Variants in ACOT11 observed in about 807,000 individuals in gnomAD.
The protein encoded by ACOT11 is acyl-CoA thioesterase 11.
Under a neutral mutation model 77.5 loss-of-function variants are expected in ACOT11, and 69 were observed. The ratio of observed to expected loss-of-function variants is 0.89; its 90% CI spans 0.73 to 1.09. ACOT11 has a LOEUF of 1.09. ACOT11 is among the 50% of genes least tolerant of loss of function. ACOT11 has a pLI of 0.00. For missense variants in ACOT11, 766 were observed against 813.7 expected (o/e 0.94, Z 0.71); for synonymous variants, 279 against 313.0 (o/e 0.89, Z 1.15).
intron 1 of ACOT11, among the ~76,000 whole-genome samples, chr1:54,562,523 C>T (rs1413254624): frequency 9.0e-5 from 7 of 77,774 alleles, no homozygotes; most frequent in East Asian, 3.5e-4. Flanking sequence ...CCGGATGGGG[C>T]GGCTGGCCGG....
At chr1:54,568,089 C>T (rs1358523070) in intron 1 of ACOT11, among the ~76,000 whole-genome samples, 1 of 152,144 alleles carries the variant, frequency 6.6e-6, no homozygotes, top group African/African-American at 2.4e-5. Flanking sequence ...CCGGTCCCTG[C>T]GCTTCCTTGG....
Position 54,594,099 on chromosome 1 carries a change from G to A in ACOT11, c.471+60G>A, listed in dbSNP as rs79023440. Reference sequence around the variant, plus strand: ...CAGTGACCTGGGCACCTGCCATGGCGAGTCTGGCTCAGGGGAATGAGGTTA... The same window carrying A: ...CAGTGACCTGGGCACCTGCCATGGCAAGTCTGGCTCAGGGGAATGAGGTTA... On this transcript the variant is annotated intron_variant, in intron 5 of 15. Transcript: ENST00000343744. The A allele has an allele frequency of 7.9e-3, 11,823 of 1,499,118 alleles. 706 individuals carry two copies. In the African/African-American group the frequency reaches 0.13, roughly 17 times the overall value. The allele number at this position is 1,499,118 out of a possible 1,614,324, so 92.9% of individuals were successfully genotyped here. A position where few individuals can be genotyped will look rare whatever the true frequency, so the allele number is the denominator to read the frequency against.
chr1:54,617,552 C>T (rs1569794863), intron 15 of ACOT11, among the ~76,000 whole-genome samples: 1 of 151,510 alleles, frequency 6.6e-6, no homozygotes, highest in African/African-American at 2.4e-5. Flanking sequence ...TCTGTACAAT[C>T]AGGGCCTGCC....
At chr1:54,562,914 C>T (rs1220359318) in intron 1 of ACOT11, among the ~76,000 whole-genome samples, 1 of 142,916 alleles carries the variant, frequency 7.0e-6, no homozygotes. Flanking sequence ...ACGCTCCTCA[C>T]TTTCCAGAGT....
Position 54,586,653 on chromosome 1 carries a change from C to T in ACOT11, c.311+749C>T, listed in dbSNP as rs530149444. Among the ~76,000 whole-genome samples, 354 of 152,188 alleles carry T rather than the reference C, an allele frequency of 2.3e-3. 1 individual carries two copies. Among genetic ancestry groups the T allele is most frequent in the Middle Eastern group, 0.01 (3 of 294 alleles). ...TTCGCCATGTTGGCCAGGCTGGTCT[C>T]GATCTCCTGATCTTAGGTGATCCAC... On this transcript the variant is annotated intron_variant, in intron 3 of 15. Transcript: ENST00000343744.
chr1:54,601,120 TGTGTGTATGTGTGTGCATAC>T lies in ACOT11; in HGVS notation c.885-142_885-123del, dbSNP rs1315505449. ...GTGTGTGTATGTGTGTGCATACATG[TGTGTGTATGTGTGTGCATAC>T]GTGTGTGTGTGTGCATGCATGTGTG... is the stretch of plus-strand genomic sequence containing the variant. On this transcript the variant is annotated intron_variant, in intron 8 of 15. Transcript: ENST00000343744. 5.3e-5 allele frequency: 38 copies of T among 720,922 alleles called. 2 individuals are homozygous for T. Among genetic ancestry groups the T allele is most frequent in the Admixed American group, 7.6e-5 (2 of 26,426 alleles). 44.7% of individuals were successfully genotyped at this position (720,922 alleles called of 1,614,324 possible).
At chr1:54,598,385 T>A (rs1408769537) in intron 7 of ACOT11, 1 of 152,252 alleles carries the variant, frequency 6.6e-6, no homozygotes, top group Non-Finnish European at 1.5e-5. Context: ...CTTTCTTCTG[T>A]CCCCTCAAAC....
In ACOT11 at chr1:54,564,001, G is replaced by A. The variant is rs376695314; in HGVS notation, c.33+15659G>A. Among the ~76,000 whole-genome samples, 697 of 151,898 alleles carry A rather than the reference G, an allele frequency of 4.6e-3. 3 individuals are homozygous for A. Among genetic ancestry groups the A allele is most frequent in the African/African-American group, 0.015 (609 of 41,280 alleles). ...GAATCGCTTGAACCCAGAAGGCGGA[G>A]GTTGCAGTGAGCCGAGATTGTGCCA... On this transcript the variant is annotated intron_variant, in intron 1 of 15. Coordinates refer to ENST00000343744, the MANE Select transcript of ACOT11 (RefSeq NM_147161.4).
intron 1 of ACOT11, among the ~76,000 whole-genome samples, chr1:54,568,206 C>T (rs773773656): frequency 2.0e-5 from 3 of 152,176 alleles, no homozygotes; most frequent in Non-Finnish European, 2.9e-5. Flanking sequence ...TTTGATTACA[C>T]AGCCTAAAGA....
intron 1 of ACOT11, among the ~76,000 whole-genome samples, chr1:54,570,305 C>T (rs987803474): frequency 1.3e-5 from 2 of 152,224 alleles, no homozygotes; most frequent in African/African-American, 4.8e-5. Flanking sequence ...GAACCACAAA[C>T]CAATGAATTC....
At chr1:54,594,726 C>T (rs546209415) in intron 6 of ACOT11, 35 bp downstream of exon 6, 2 of 1,587,154 alleles carry the variant, frequency 1.3e-6, no homozygotes, top group African/African-American at 2.7e-5. Context: ...GGGAGGGTAG[C>T]TGGCGTCCTG....
At chr1:54,623,268 AG>A (rs1644248888) in intron 15 of ACOT11, 1 of 1,595,988 alleles carries the variant, frequency 6.3e-7, no homozygotes, top group Admixed American at 1.7e-5. Flanking sequence ...ACATGGGGGG[AG>A]GCACCTACCT....
At position 54,625,713 on chromosome 1, in the gene ACOT11, G is replaced by A. The variant is rs181222434; in HGVS notation, c.1630-5021G>A. On this transcript the variant is annotated intron_variant, in intron 15 of 16. Coordinates refer to the ACOT11 transcript ENST00000371316. ...AGCACTTTGGGAGGCTGAGGTGGGC[G>A]GATCACCTGAGGTTGGGAGTTCGAG... 5.2e-4 allele frequency among the ~76,000 whole-genome samples: 79 copies of A among 152,086 alleles called. 2 individuals are homozygous for A. The East Asian group carries it at 0.015, about 29-fold the overall frequency.
At chr1:54,577,868 G>A (rs574840866) in intron 1 of ACOT11, among the ~76,000 whole-genome samples, 10 of 152,326 alleles carry the variant, frequency 6.6e-5, no homozygotes, top group East Asian at 3.9e-4. Context: ...CCGCTTGTGC[G>A]CTGCCCCATG....
At chr1:54,554,380 C>T (rs1653191254) in intron 1 of ACOT11, among the ~76,000 whole-genome samples, 1 of 115,766 alleles carries the variant, frequency 8.6e-6, no homozygotes, top group African/African-American at 3.4e-5. Flanking sequence ...GAGATGGAGT[C>T]CTGCTTTGTC....
In ACOT11 at chr1:54,557,181, C is replaced by G. The variant is rs1490659985; in HGVS notation, c.33+8839C>G. Among the ~76,000 whole-genome samples, 4 of 151,842 alleles carry G rather than the reference C, an allele frequency of 2.6e-5. No individual in the cohort carries two copies. In the East Asian group the frequency reaches 7.8e-4, roughly 30 times the overall value. The stretch of plus-strand genomic sequence containing the variant: ...GGCCAAGGCAGGCAGATCACAAGGT[C>G]AGGAGTTCGAGACCAGCCTGGTCAA... On this transcript the variant is annotated intron_variant, in intron 1 of 15. Coordinates refer to ENST00000343744, the MANE Select transcript of ACOT11 (RefSeq NM_147161.4).
At chr1:54,576,533 A>C (rs940502110) in intron 1 of ACOT11, among the ~76,000 whole-genome samples, 10 of 149,166 alleles carry the variant, frequency 6.7e-5, no homozygotes, top group Admixed American at 5.9e-4. Context: ...AATTTTGTAA[A>C]TATCTCAAAA....
intron 1 of ACOT11, among the ~76,000 whole-genome samples, chr1:54,566,848 T>G (rs2100955871): frequency 6.6e-6 from 1 of 152,308 alleles, no homozygotes; most frequent in Non-Finnish European, 1.5e-5. Flanking sequence ...ACCTGGCAGC[T>G]GGCTCCACTA....
downstream of ACOT11, chr1:54,611,601 C>A (rs1467729079): frequency 1.9e-6 from 3 of 1,613,620 alleles, no homozygotes; most frequent in East Asian, 6.7e-5. Context: ...AATTCCTCTC[C>A]TTACAGGCCA....
Sources: allele counts gnomAD v4.1 joint callset (sites outside exome capture counted in the v4.1 genomes callset), GRCh38; gene constraint gnomAD v4.1.1; transcripts MANE v1.5; gene names NCBI Gene and HGNC (gene_info 2026-07-23, HGNC 2026-07-21).